Variants in UNC79 observed in about 807,000 individuals in gnomAD.
The protein encoded by UNC79 is protein unc-79 homolog.
Under a neutral mutation model 283.1 loss-of-function variants are expected in UNC79, and 37 were observed. The observed-to-expected ratio is 0.13, with a 90% confidence interval of 0.10 to 0.17. The LOEUF (loss-of-function observed/expected upper bound fraction) is 0.17. Among genes scored for constraint, UNC79 ranks in the 10% least tolerant of loss-of-function variants. The probability of loss-of-function intolerance (pLI) is 1.00; values close to 1 mark genes in which losing one functional copy is unlikely to be tolerated. For synonymous variants in UNC79, 1,107 were observed against 1,200.2 expected (o/e 0.92, Z 1.61); for missense variants, 2,272 against 3,211.1 (o/e 0.71, Z 7.07).
rs574890215 is a variant in UNC79, at chr14:93,463,023, T to C, written c.23-4648T>C. Reference sequence around the variant, plus strand: ...GATGGGATTGCCTATGGGGAGAATATTGAGAGAGAGGAACAGAGTCTAGGA... The same window carrying C: ...GATGGGATTGCCTATGGGGAGAATACTGAGAGAGAGGAACAGAGTCTAGGA... On this transcript the variant is annotated intron_variant, in intron 1 of 48. Transcript: ENST00000555664. Among the ~76,000 whole-genome samples, 22 of 152,062 alleles carry C rather than the reference T, an allele frequency of 1.4e-4. No homozygotes were observed. In the South Asian group the frequency reaches 4.6e-3, roughly 32 times the overall value.
intron 47 of UNC79, among the ~76,000 whole-genome samples, chr14:93,694,859 C>G (rs944881245): frequency 5.3e-5 from 8 of 152,196 alleles, no homozygotes; most frequent in African/African-American, 1.9e-4. Flanking sequence ...CCTTGCAAAA[C>G]ATATCCAGAA....
At chr14:93,695,431 T>C (rs2075021632) in intron 47 of UNC79, among the ~76,000 whole-genome samples, 1 of 152,216 alleles carries the variant, frequency 6.6e-6, no homozygotes, top group African/African-American at 2.4e-5. Context: ...GGGTTAGATA[T>C]ATGATATGTA....
At chr14:93,464,249 A>G (rs1222049467) in intron 1 of UNC79, among the ~76,000 whole-genome samples, 2 of 152,236 alleles carry the variant, frequency 1.3e-5, no homozygotes, top group Non-Finnish European at 2.9e-5. Context: ...CTAAAACAAC[A>G]GAAATGTATT....
At chr14:93,387,161 G>A (rs983818294) in intron 1 of UNC79, among the ~76,000 whole-genome samples, 2 of 151,542 alleles carry the variant, frequency 1.3e-5, no homozygotes, top group African/African-American at 2.4e-5. Context: ...CAGGCTGGTC[G>A]CAAACTCCTG....
intron 7 of UNC79, among the ~76,000 whole-genome samples, chr14:93,521,658 A>G (rs1490762438): frequency 1.3e-5 from 2 of 151,490 alleles, no homozygotes; most frequent in African/African-American, 4.8e-5. Flanking sequence ...TTTCAAATAT[A>G]TATTTTTTAG....
At chr14:93,369,618 AGGGTTAAATATTCCTGG>A (rs2054402994) in intron 1 of UNC79, among the ~76,000 whole-genome samples, 2 of 152,162 alleles carry the variant, frequency 1.3e-5, no homozygotes, top group South Asian at 4.1e-4. Flanking sequence ...AATGAGTCTG[AGGGTTAAATATTCCTGG>A]GGACCTAGTC....
chr14:93,497,303 C>A lies in UNC79; in HGVS notation c.898+17C>A, dbSNP rs2059055815. ...AGTACACAGGTAAGAGGAGAGGAGC[C>A]CTGTGATGCCCCATCTGTATTTCTC... is the stretch of plus-strand genomic sequence containing the variant. On this transcript the variant is annotated intron_variant, in intron 7 of 48. Transcript: ENST00000555664. 1.2e-6 allele frequency: 2 copies of A among 1,605,910 alleles called. No homozygotes were observed. Among genetic ancestry groups the A allele is most frequent in the Non-Finnish European group, 1.7e-6 (2 of 1,178,820 alleles).
chr14:93,550,969 G>T lies in UNC79; in HGVS notation c.1755+8273G>T, dbSNP rs115243979. Among the ~76,000 whole-genome samples the T allele has an allele frequency of 9.3e-3, 1,416 of 152,282 alleles. 19 individuals are homozygous for T. The highest frequency in any genetic ancestry group is 0.032 in the African/African-American group (1,351 of 41,574). On this transcript the variant is annotated intron_variant, in intron 14 of 48. Coordinates refer to ENST00000555664, the Ensembl canonical transcript of UNC79. ...GTTCTCAAGTGCAAGGCAGACAGTG[G>T]AGGCACAAGAATCCCCGAGCTGGTT...
chr14:93,607,398 G>T (rs998138062), intron 26 of UNC79, among the ~76,000 whole-genome samples: 11 of 152,172 alleles, frequency 7.2e-5, no homozygotes, highest in Non-Finnish European at 1.5e-4. Flanking sequence ...GGGATTAAGT[G>T]ATTCTGCTTT....
At chr14:93,537,705 C>T (rs76212189) in intron 11 of UNC79, among the ~76,000 whole-genome samples, 4,600 of 152,242 alleles carry the variant, frequency 0.03, 114 homozygotes, top group Non-Finnish European at 0.045. Flanking sequence ...TCCTCCTCCT[C>T]GCTCCCCCCA....
At chr14:93,547,911 TG>T (rs34349062) in intron 14 of UNC79, among the ~76,000 whole-genome samples, 1 of 152,046 alleles carries the variant, frequency 6.6e-6, no homozygotes, top group East Asian at 1.9e-4. Flanking sequence ...AGAGGATCAC[TG>T]GGAGGTTGAG....
At chr14:93,695,197 C>T (rs1050127845) in intron 47 of UNC79, among the ~76,000 whole-genome samples, 5 of 151,776 alleles carry the variant, frequency 3.3e-5, no homozygotes, top group Admixed American at 6.6e-5. Flanking sequence ...CTTTATCTTT[C>T]ACCTCTATAT....
intron 34 of UNC79, 36 bp downstream of exon 37, chr14:93,643,733 T>C (rs757821504): frequency 5.6e-6 from 9 of 1,607,636 alleles, no homozygotes; most frequent in Admixed American, 1.7e-5. Flanking sequence ...GGTAGGAAGG[T>C]CCTTTATTCA....
intron 1 of UNC79, among the ~76,000 whole-genome samples, chr14:93,373,329 TAATA>T (rs2139970704): frequency 6.6e-6 from 1 of 151,736 alleles, no homozygotes; most frequent in Non-Finnish European, 1.5e-5. Context: ...AACAGGAAAT[TAATA>T]AAGTCAACAA....
intron 2 of UNC79, among the ~76,000 whole-genome samples, chr14:93,473,861 A>G (rs773226514): frequency 6.6e-6 from 1 of 152,168 alleles, no homozygotes; most frequent in East Asian, 1.9e-4. Context: ...TAACCAGATA[A>G]CACATGAGAT....
At chr14:93,421,095 A>G (rs1225165334) in intron 1 of UNC79, among the ~76,000 whole-genome samples, 1 of 151,740 alleles carries the variant, frequency 6.6e-6, no homozygotes, top group East Asian at 1.9e-4. Flanking sequence ...AGAAAGAAAT[A>G]ATAAAGATCA....
intron 1 of UNC79, among the ~76,000 whole-genome samples, chr14:93,365,283 G>T (rs1297165924): frequency 1.3e-5 from 2 of 151,258 alleles, no homozygotes; most frequent in African/African-American, 4.9e-5. Context: ...CTACTTGAAG[G>T]CTGAGGCAGG....
At chr14:93,577,764 A>G (rs1364453529) in intron 17 of UNC79, 78 bp from the exon 18 acceptor site, 2 of 1,436,162 alleles carry the variant, frequency 1.4e-6, no homozygotes, top group East Asian at 2.3e-5. Context: ...AATACCTTCC[A>G]TAGAGTCCCC....
At chr14:93,599,587 G>T (rs1049217264) in intron 24 of UNC79, among the ~76,000 whole-genome samples, 1 of 152,130 alleles carries the variant, frequency 6.6e-6, no homozygotes, top group Admixed American at 6.5e-5. Context: ...TCCTACCCCT[G>T]CTTAGGGCCT....
Sources: gnomAD v4.1 joint callset for allele counts (sites outside exome capture counted in the v4.1 genomes callset) on GRCh38, gnomAD v4.1.1 for gene constraint, MANE v1.5 for transcripts, NCBI Gene and HGNC (gene_info 2026-07-23, HGNC 2026-07-21) for gene names.